Variants in PACS2 observed in about 807,000 individuals in gnomAD.
PACS2 encodes PACS1-like protein.
Under a neutral mutation model 113.0 loss-of-function variants are expected in PACS2, and 36 were observed. The observed-to-expected ratio is 0.32, with a 90% confidence interval of 0.24 to 0.42. The LOEUF is 0.42. PACS2 is among the 10% of genes least tolerant of loss of function. PACS2 has a pLI of 1.00. For synonymous variants in PACS2, 589 were observed against 536.1 expected (o/e 1.10, Z -1.36); for missense variants, 1,015 against 1,239.5 (o/e 0.82, Z 2.72).
rs941057423 is a variant in PACS2, at chr14:105,365,061, G to A, written c.424-2152G>A. On this transcript the variant is annotated intron_variant, in intron 4 of 24. Coordinates refer to ENST00000447393, the MANE Select transcript of PACS2 (RefSeq NM_001100913.3). The surrounding 1 kb of genome is among the most constrained non-coding windows in gnomAD (Gnocchi z 5.1). ...AGAGGGAGGAGCCTGTCAGGGTCAG[G>A]GGTGGAGGGAGCTGGGCCCTGGGGC... Among the ~76,000 whole-genome samples the A allele has an allele frequency of 4.7e-4, 71 of 152,352 alleles. No individual in the cohort carries two copies. The highest frequency in any genetic ancestry group is 1.7e-3 in the African/African-American group (69 of 41,582).
At chr14:105,391,498 A>G (rs2081354584) in intron 21 of PACS2, 133 bp from the exon 22 acceptor site, 2 of 775,318 alleles carry the variant, frequency 2.6e-6, no homozygotes, top group Admixed American at 2.7e-5. Context: ...CGTCTCTCAC[A>G]GGCCACTGGG....
chr14:105,309,808 C>T (rs929591255), upstream of PACS2, among the ~76,000 whole-genome samples: 8 of 107,998 alleles, frequency 7.4e-5, no homozygotes, highest in South Asian at 3.0e-4. This position sits in a 1 kb window ranked among gnomAD's most constrained non-coding sequence, Gnocchi z 4.0. Flanking sequence ...TTTTTTTAGA[C>T]GGAGTCTCAC....
At chr14:105,311,859 C>T (rs781362554), upstream of PACS2, among the ~76,000 whole-genome samples, 45 of 152,326 alleles carry the variant, frequency 3.0e-4, no homozygotes, top group Middle Eastern at 3.4e-3. Flanking sequence ...TCAGTCATGG[C>T]CATGTGCTCC....
At chr14:105,390,892 C>T (rs1478476982) in intron 20 of PACS2, 11 of 426,690 alleles carry the variant, frequency 2.6e-5, no homozygotes, top group South Asian at 1.8e-4. Context: ...CCCGTCGGCC[C>T]GCCAAGGTCC....
chr14:105,342,230 C>CTCTGTGTGTGTG lies in PACS2; in HGVS notation c.120-6262_120-6261insCTGTGTGTGTGT, dbSNP rs1491393178. Among the ~76,000 whole-genome samples the CTCTGTGTGTGTG allele has an allele frequency of 1.7e-3, 242 of 140,338 alleles. 1 individual carries two copies. Among genetic ancestry groups the CTCTGTGTGTGTG allele is most frequent in the African/African-American group, 6.0e-3 (228 of 38,088 alleles). 92.1% of individuals were successfully genotyped at this position (140,338 alleles called of 152,430 possible). ...TCCACAGCAGGATCCAAGCTGCTGCCTGTGTGTGTGTGTGTGTGTGTGTGT... is the reference window on the plus strand; with the variant it reads ...TCCACAGCAGGATCCAAGCTGCTGCCTCTGTGTGTGTGTGTGTGTGTGTGTGTGTGTGTGTGT... On this transcript the variant is annotated intron_variant, in intron 1 of 24. Coordinates refer to ENST00000447393, the MANE Select transcript of PACS2 (RefSeq NM_001100913.3).
At chr14:105,307,311 C>A (rs1162764773) in intron 1 of PACS2, among the ~76,000 whole-genome samples, 1 of 152,154 alleles carries the variant, frequency 6.6e-6, no homozygotes, top group Non-Finnish European at 1.5e-5. Context: ...TAAATCACCC[C>A]AAGGCCAGGT....
chr14:105,325,594 T>C (rs1437955444), intron 1 of PACS2, among the ~76,000 whole-genome samples: 1 of 152,106 alleles, frequency 6.6e-6, no homozygotes, highest in African/African-American at 2.4e-5. Flanking sequence ...AGGAGCCAGG[T>C]GTGTCTTGAG....
chr14:105,389,771 G>T (rs2081295087), intron 19 of PACS2, 190 bp from the exon 20 acceptor site: 2 of 633,400 alleles, frequency 3.2e-6, no homozygotes, highest in Admixed American at 2.8e-5. Flanking sequence ...GGTCCTGGGG[G>T]CCAGGCCAGG....
rs929891530 is a variant in PACS2, at chr14:105,358,337, G to A, written c.423+3160G>A. On this transcript the variant is annotated intron_variant, in intron 4 of 24. Coordinates refer to ENST00000447393, the MANE Select transcript of PACS2 (RefSeq NM_001100913.3). The surrounding 1 kb of genome is among the most constrained non-coding windows in gnomAD (Gnocchi z 4.9). The stretch of plus-strand genomic sequence containing the variant: ...CGCAGCCCCAGGGCCTGCTGGGCAC[G>A]CGCCTCTGCCTGCCACTTCTCAGGA... Among the ~76,000 whole-genome samples, 1 of 152,212 alleles carries A rather than the reference G, an allele frequency of 6.6e-6. No homozygotes were observed. Among genetic ancestry groups the A allele is most frequent in the African/African-American group, 2.4e-5 (1 of 41,438 alleles).
At chr14:105,363,968 C>G (rs1161237901) in intron 4 of PACS2, among the ~76,000 whole-genome samples, 1 of 152,126 alleles carries the variant, frequency 6.6e-6, no homozygotes. Flanking sequence ...GCTGAGCAGT[C>G]AGACGCACAC....
In PACS2 at chr14:105,377,071, G is replaced by A. The variant is rs2080810302; in HGVS notation, c.959+146G>A. 1.7e-5 allele frequency: 14 copies of A among 842,772 alleles called. 1 individual carries two copies. The South Asian group carries it at 2.5e-4, about 15-fold the overall frequency. The allele number at this position is 842,772 out of a possible 1,614,324, so 52.2% of individuals were successfully genotyped here. Reference sequence around the variant, plus strand: ...GAAGCCTGGGAAGGCTCTGGTGGCTGGAAGGAGGGGTGTGCGGCTGCCTGG... The same window carrying A: ...GAAGCCTGGGAAGGCTCTGGTGGCTAGAAGGAGGGGTGTGCGGCTGCCTGG... On this transcript the variant is annotated intron_variant, in intron 9 of 24. Coordinates refer to ENST00000447393, the MANE Select transcript of PACS2 (RefSeq NM_001100913.3).
intron 22 of PACS2, 25 bp from the exon 23 acceptor site, chr14:105,392,594 G>A (rs782258643): frequency 7.0e-6 from 11 of 1,567,938 alleles, no homozygotes; most frequent in Non-Finnish European, 9.5e-6. Flanking sequence ...ATGCAGGTGT[G>A]AATGCCTCCC....
intron 4 of PACS2, 142 bp from the exon 5 acceptor site, chr14:105,367,071 C>G: frequency 1.4e-6 from 1 of 702,486 alleles, no homozygotes; most frequent in Non-Finnish European, 2.4e-6. Context: ...ACTGGATGCT[C>G]CCTGCCCTGT....
At position 105,330,296 on chromosome 14, in the gene PACS2, C is replaced by T. The variant is rs1449940753; in HGVS notation, c.119+15259C>T. Among the ~76,000 whole-genome samples the T allele has an allele frequency of 6.8e-6, 1 of 146,350 alleles. No homozygotes were observed. The highest frequency in any genetic ancestry group is 1.5e-5 in the Non-Finnish European group (1 of 66,924). ...GGGACGGAATGGGGACAGGAGCCTC[C>T]GAGAAGCCTGGGGTCCGTGTGTGGG... On this transcript the variant is annotated intron_variant, in intron 1 of 24. Transcript: ENST00000447393. The surrounding 1 kb of genome is among the most constrained non-coding windows in gnomAD (Gnocchi z 6.9).
At chr14:105,364,285 G>C (rs868924995) in intron 4 of PACS2, among the ~76,000 whole-genome samples, 1 of 151,420 alleles carries the variant, frequency 6.6e-6, no homozygotes, top group Non-Finnish European at 1.5e-5. Context: ...CGCGGTGGGC[G>C]GCGGCCTGCG....
chr14:105,331,451 C>T (rs1227807329), intron 1 of PACS2, among the ~76,000 whole-genome samples: 3 of 152,190 alleles, frequency 2.0e-5, no homozygotes, highest in African/African-American at 7.2e-5. Flanking sequence ...GGTTCTCACT[C>T]TGTTGCTCAG....
In PACS2 at chr14:105,398,007, G is replaced by GT. The variant is rs1555417498; in HGVS notation, c.*3336dup. 6.6e-6 allele frequency: 1 copy of GT among 152,264 alleles called. No individual in the cohort carries two copies. The highest frequency in any genetic ancestry group is 1.9e-4 in the East Asian group (1 of 5,200). 9.4% of individuals were successfully genotyped at this position (152,264 alleles called of 1,614,324 possible). On this transcript the variant is annotated 3_prime_UTR_variant, in exon 25 of 25. Coordinates refer to ENST00000447393, the MANE Select transcript of PACS2 (RefSeq NM_001100913.3). Reference sequence around the variant, plus strand: ...TTGTGCATTGTTTGGTTTCTAGGATGTATGTGTTGCTAGTTTTTTTTAATG... The same window carrying GT: ...TTGTGCATTGTTTGGTTTCTAGGATGTTATGTGTTGCTAGTTTTTTTTAATG...
intron 4 of PACS2, among the ~76,000 whole-genome samples, chr14:105,359,595 T>C (rs1221746128): frequency 1.4e-5 from 2 of 145,208 alleles, no homozygotes; most frequent in African/African-American, 2.6e-5. Flanking sequence ...TTCTTTTTTT[T>C]TTTTTTTTTT....
At chr14:105,392,540 G>A in intron 22 of PACS2, 79 bp from the exon 23 acceptor site, 1 of 1,293,452 alleles carries the variant, frequency 7.7e-7, no homozygotes, top group Admixed American at 2.0e-5. Flanking sequence ...GTCACCTCCT[G>A]GCCTGTCACA....
Sources: gnomAD v4.1 joint callset for allele counts (sites outside exome capture counted in the v4.1 genomes callset) on GRCh38, gnomAD v4.1.1 for gene constraint, Gnocchi (gnomAD v3.1) non-coding constraint, MANE v1.5 for transcripts, NCBI Gene and HGNC (gene_info 2026-07-23, HGNC 2026-07-21) for gene names.